CSMD3: variants seen among roughly 807,000 people sequenced by gnomAD.
CSMD3 encodes the protein CUB and sushi domain-containing protein 3.
Under a neutral mutation model 435.2 loss-of-function variants are expected in CSMD3, and 177 were observed. The ratio of observed to expected loss-of-function variants is 0.41; its 90% CI spans 0.36 to 0.46. The LOEUF (loss-of-function observed/expected upper bound fraction) is 0.46. Among genes scored for constraint, CSMD3 ranks in the 20% least tolerant of loss-of-function variants. The pLI, the probability that CSMD3 is intolerant of heterozygous loss-of-function variation, is 0.34. For missense variants in CSMD3, 4,265 were observed against 4,504.6 expected (o/e 0.95, Z 1.52); for synonymous variants, 1,656 against 1,520.5 (o/e 1.09, Z -2.07).
intron 27 of CSMD3, among the ~76,000 whole-genome samples, chr8:112,526,406 T>C (rs1009001233): frequency 1.3e-5 from 2 of 151,886 alleles, no homozygotes; most frequent in African/African-American, 4.8e-5. Flanking sequence ...TCTCTCTCTC[T>C]CTCTCACACA....
At chr8:112,995,213 T>G (rs546758431) in intron 6 of CSMD3, among the ~76,000 whole-genome samples, 2 of 151,468 alleles carry the variant, frequency 1.3e-5, no homozygotes, top group Non-Finnish European at 3.0e-5. Context: ...GAAAAAAATA[T>G]GAAGATTGCA....
intron 9 of CSMD3, among the ~76,000 whole-genome samples, chr8:112,931,340 T>C (rs918203118): frequency 6.6e-6 from 1 of 152,048 alleles, no homozygotes; most frequent in African/African-American, 2.4e-5. Flanking sequence ...GCATTAGAAA[T>C]GCCTTTCCAA....
chr8:113,327,265 A>T (rs1243853796), intron 1 of CSMD3, among the ~76,000 whole-genome samples: 1 of 152,176 alleles, frequency 6.6e-6, no homozygotes, highest in Non-Finnish European at 1.5e-5. Context: ...ATAACATATT[A>T]CTTTTTGAAT....
intron 45 of CSMD3, among the ~76,000 whole-genome samples, chr8:112,330,808 T>C (rs184475216): frequency 3.3e-5 from 5 of 152,198 alleles, no homozygotes; most frequent in Admixed American, 3.3e-4. Flanking sequence ...AAATATAATC[T>C]ATTCATGAGA....
intron 13 of CSMD3, among the ~76,000 whole-genome samples, chr8:112,713,142 A>G (rs1405482440): frequency 5.3e-5 from 8 of 152,084 alleles, no homozygotes; most frequent in Non-Finnish European, 7.4e-5. Flanking sequence ...TGAGAGCCAC[A>G]TGGGGCAGGG....
At chr8:112,565,847 C>A (rs1829018456) in intron 24 of CSMD3, among the ~76,000 whole-genome samples, 1 of 151,812 alleles carries the variant, frequency 6.6e-6, no homozygotes. Context: ...GTATATAGGG[C>A]TAAAAGAATC....
At chr8:113,430,652 C>T (rs1246619736) in intron 1 of CSMD3, among the ~76,000 whole-genome samples, 1 of 152,122 alleles carries the variant, frequency 6.6e-6, no homozygotes, top group African/African-American at 2.4e-5. Context: ...TTAGAGGATG[C>T]TGGTACTACT....
intron 4 of CSMD3, among the ~76,000 whole-genome samples, chr8:113,161,528 T>C (rs1317896469): frequency 6.6e-6 from 1 of 152,072 alleles, no homozygotes; most frequent in South Asian, 2.1e-4. Flanking sequence ...AGGTGGCAAA[T>C]AGAAACTTTG....
intron 1 of CSMD3, among the ~76,000 whole-genome samples, chr8:113,408,675 A>G (rs1377714535): frequency 6.6e-6 from 1 of 150,914 alleles, no homozygotes; most frequent in African/African-American, 2.4e-5. Context: ...TTTTTTTGAA[A>G]CAGAGTCTTG....
At chr8:112,579,017 CT>C (rs1205775327) in intron 23 of CSMD3, among the ~76,000 whole-genome samples, 3 of 151,940 alleles carry the variant, frequency 2.0e-5, no homozygotes, top group African/African-American at 7.2e-5. Context: ...TTTTGCCAGA[CT>C]TTTGTGTATG....
At chr8:112,744,909 T>C (rs1330106817) in intron 13 of CSMD3, among the ~76,000 whole-genome samples, 1 of 152,154 alleles carries the variant, frequency 6.6e-6, no homozygotes, top group East Asian at 1.9e-4. Context: ...CAGCTTTATC[T>C]TGAGCACACT....
At chr8:112,412,165 A>G (rs1811420657) in intron 32 of CSMD3, among the ~76,000 whole-genome samples, 1 of 152,054 alleles carries the variant, frequency 6.6e-6, no homozygotes, top group African/African-American at 2.4e-5. Context: ...TTTAACTGGG[A>G]GTTAAATAAA....
chr8:112,225,034 A>T (rs746422213), intron 70 of CSMD3, 104 bp from the exon 71 acceptor site: 12 of 1,126,006 alleles, frequency 1.1e-5, no homozygotes, highest in Non-Finnish European at 1.5e-5. Context: ...GTAACTTAAA[A>T]ATATTAATTG....
At chr8:112,274,849 A>G (rs1817880191) in intron 59 of CSMD3, among the ~76,000 whole-genome samples, 1 of 152,246 alleles carries the variant, frequency 6.6e-6, no homozygotes, top group African/African-American at 2.4e-5. Context: ...AGTAGTAATG[A>G]CGTACATAAA....
At chr8:113,391,537 T>C (rs1246961664) in intron 1 of CSMD3, among the ~76,000 whole-genome samples, 1 of 152,022 alleles carries the variant, frequency 6.6e-6, no homozygotes, top group Non-Finnish European at 1.5e-5. Flanking sequence ...AAGTTATACC[T>C]AGTTTTGGGG....
chr8:113,101,803 T>C (rs918321689), intron 4 of CSMD3, among the ~76,000 whole-genome samples: 20 of 152,060 alleles, frequency 1.3e-4, no homozygotes, highest in African/African-American at 3.4e-4. Context: ...GAGACTATCA[T>C]AGAATCAGTA....
chr8:113,081,839 C>A (rs1358324739), intron 5 of CSMD3, among the ~76,000 whole-genome samples: 1 of 152,130 alleles, frequency 6.6e-6, no homozygotes, highest in Non-Finnish European at 1.5e-5. Flanking sequence ...GGAAATTAGG[C>A]AGCTGAGCAC....
At chr8:112,798,560 T>C (rs905618601) in intron 13 of CSMD3, among the ~76,000 whole-genome samples, 5 of 151,860 alleles carry the variant, frequency 3.3e-5, no homozygotes, top group Non-Finnish European at 7.4e-5. Context: ...GTTTAATTAC[T>C]ATTGTTGAAA....
At chr8:113,012,447 C>T (rs2086289575) in intron 6 of CSMD3, among the ~76,000 whole-genome samples, 1 of 151,870 alleles carries the variant, frequency 6.6e-6, no homozygotes, top group Non-Finnish European at 1.5e-5. Flanking sequence ...GAATTGTAAT[C>T]CCCATGTGTT....
Sources: gnomAD v4.1 joint callset for allele counts (sites outside exome capture counted in the v4.1 genomes callset) on GRCh38, gnomAD v4.1.1 for gene constraint, MANE v1.5 for transcripts, NCBI Gene and HGNC (gene_info 2026-07-23, HGNC 2026-07-21) for gene names.